Variants in SLC44A5 observed in about 807,000 individuals in gnomAD.
SLC44A5 encodes solute carrier family 44 member 5.
SLC44A5 carries 57 observed loss-of-function variants against 101.8 expected under a neutral mutation model. The observed-to-expected ratio is 0.56, with a 90% CI of 0.45 to 0.70. The LOEUF (loss-of-function observed/expected upper bound fraction) is 0.70. Among genes scored for constraint, SLC44A5 ranks in the 30% least tolerant of loss-of-function variants. SLC44A5 has a pLI of 0.00. For missense variants in SLC44A5, 737 were observed against 853.1 expected (o/e 0.86, Z 1.70); for synonymous variants, 281 against 290.9 (o/e 0.97, Z 0.35).
the SLC44A5 span, among the ~76,000 whole-genome samples, chr1:75,718,026 GAA>G: frequency 4.6e-5 from 7 of 152,258 alleles, no homozygotes; most frequent in East Asian, 1.4e-3. Context: ...GGGTGGAGAA[GAA>G]AAGTTTCTGG....
chr1:75,524,422 C>G (rs1344984679), intron 2 of SLC44A5, among the ~76,000 whole-genome samples: 1 of 152,024 alleles, frequency 6.6e-6, no homozygotes. Context: ...GGTGAATTCA[C>G]CCTCATGAAT....
chr1:75,687,008 G>C, the SLC44A5 span, among the ~76,000 whole-genome samples: 1 of 152,194 alleles, frequency 6.6e-6, no homozygotes, highest in South Asian at 2.1e-4. Context: ...ATACAGAGTG[G>C]TCGCAGAAGA....
At chr1:75,344,804 T>A (rs1658129248) in intron 3 of SLC44A5, among the ~76,000 whole-genome samples, 1 of 152,084 alleles carries the variant, frequency 6.6e-6, no homozygotes, top group Admixed American at 6.6e-5. Flanking sequence ...CGTAAGATAA[T>A]AAATTTGTGT....
At chr1:75,344,332 C>T (rs752078752) in intron 3 of SLC44A5, among the ~76,000 whole-genome samples, 2 of 152,150 alleles carry the variant, frequency 1.3e-5, no homozygotes, top group Non-Finnish European at 2.9e-5. Context: ...CATTGTTGAG[C>T]TTAGGACACT....
chr1:75,712,742 A>T, the SLC44A5 span, among the ~76,000 whole-genome samples: 2 of 151,196 alleles, frequency 1.3e-5, no homozygotes, highest in East Asian at 3.9e-4. Context: ...ATCAGGTACC[A>T]AAAAATGCTG....
intron 2 of SLC44A5, among the ~76,000 whole-genome samples, chr1:75,431,528 C>T (rs1664610475): frequency 6.6e-6 from 1 of 152,100 alleles, no homozygotes; most frequent in African/African-American, 2.4e-5. Context: ...GTTTAATTAA[C>T]TTATTTATTT....
intron 3 of SLC44A5, among the ~76,000 whole-genome samples, chr1:75,358,506 AC>A (rs1410584106): frequency 6.6e-6 from 1 of 152,202 alleles, no homozygotes; most frequent in Non-Finnish European, 1.5e-5. Context: ...GATTTGATAT[AC>A]ATTGTGAAAT....
At chr1:75,598,398 A>G (rs1208456176) in intron 1 of SLC44A5, among the ~76,000 whole-genome samples, 2 of 152,224 alleles carry the variant, frequency 1.3e-5, no homozygotes, top group Non-Finnish European at 2.9e-5. Flanking sequence ...GAGAAATAAC[A>G]TTTGACCCAG....
At chr1:75,460,021 G>T (rs1209609589) in intron 2 of SLC44A5, among the ~76,000 whole-genome samples, 1 of 152,102 alleles carries the variant, frequency 6.6e-6, no homozygotes, top group Non-Finnish European at 1.5e-5. Flanking sequence ...AAACTGGATT[G>T]TTCAGGTAGC....
At chr1:75,640,601 CTG>C in the SLC44A5 span, among the ~76,000 whole-genome samples, 15 of 152,144 alleles carry the variant, frequency 9.9e-5, no homozygotes, top group Admixed American at 7.9e-4. Context: ...CTCTCTCTCT[CTG>C]GGGGAAATTT....
chr1:75,480,467 C>G (rs867698299), intron 2 of SLC44A5, among the ~76,000 whole-genome samples: 9 of 152,180 alleles, frequency 5.9e-5, no homozygotes, highest in Non-Finnish European at 1.2e-4. Flanking sequence ...CAAATTGTCC[C>G]TGTTTGCAGA....
At chr1:75,235,688 A>T (rs1487178588) in intron 11 of SLC44A5, among the ~76,000 whole-genome samples, 1 of 152,052 alleles carries the variant, frequency 6.6e-6, no homozygotes, top group East Asian at 1.9e-4. Context: ...CACACAAAAT[A>T]CAACTTAGAC....
At chr1:75,349,870 TAA>T (rs1313029598) in intron 3 of SLC44A5, among the ~76,000 whole-genome samples, 2 of 152,118 alleles carry the variant, frequency 1.3e-5, no homozygotes, top group Non-Finnish European at 1.5e-5. Flanking sequence ...GCTGCAATTT[TAA>T]AAGAGTAGAA....
intron 1 of SLC44A5, among the ~76,000 whole-genome samples, chr1:75,556,677 T>C (rs1388883204): frequency 6.6e-6 from 1 of 152,112 alleles, no homozygotes; most frequent in African/African-American, 2.4e-5. Flanking sequence ...AAACAAACAA[T>C]GGCTGTTATT....
chr1:75,661,387 T>TAAAAAAAAAAAAAAAAAA, the SLC44A5 span, among the ~76,000 whole-genome samples: 11 of 53,612 alleles, frequency 2.1e-4, 1 homozygote, highest in African/African-American at 6.8e-4. Context: ...CTACTGCAAG[T>TAAAAAAAAAAAAAAAAAA]AAAAAAAAAA....
chr1:75,605,035 G>A (rs998980077), intron 1 of SLC44A5, among the ~76,000 whole-genome samples: 2 of 151,958 alleles, frequency 1.3e-5, no homozygotes, highest in African/African-American at 4.8e-5. Flanking sequence ...GTGTTCAACA[G>A]GAGTGGGAAG....
At chr1:75,336,695 C>G (rs1306700178) in intron 4 of SLC44A5, among the ~76,000 whole-genome samples, 1 of 151,956 alleles carries the variant, frequency 6.6e-6, no homozygotes, top group African/African-American at 2.4e-5. Context: ...TGACTTTGAC[C>G]TAATATAAAA....
chr1:75,277,555 T>C (rs1652026769), intron 5 of SLC44A5, among the ~76,000 whole-genome samples: 1 of 152,122 alleles, frequency 6.6e-6, no homozygotes, highest in African/African-American at 2.4e-5. Context: ...AATGAGCTTG[T>C]TAACAGGGGG....
Position 75,564,672 on chromosome 1 carries a change from T to G in SLC44A5, c.-69-23156A>C, listed in dbSNP as rs1241605079. Among the ~76,000 whole-genome samples the G allele has an allele frequency of 4.7e-5, 7 of 148,226 alleles. No individual in the cohort carries two copies. The Admixed American group carries it at 4.8e-4, about 10-fold the overall frequency. On this transcript the variant is annotated intron_variant, in intron 1 of 23. Coordinates refer to ENST00000370859, the MANE Select transcript of SLC44A5 (RefSeq NM_001130058.2). ...TCTCACTCTGTCGCCCAGGCTGGAGTGCAGTGGCACCATATCGGCTCACTG... is the reference window on the plus strand; with the variant it reads ...TCTCACTCTGTCGCCCAGGCTGGAGGGCAGTGGCACCATATCGGCTCACTG...
Sources: allele counts gnomAD v4.1 joint callset (sites outside exome capture counted in the v4.1 genomes callset), GRCh38; gene constraint gnomAD v4.1.1; transcripts MANE v1.5; gene names NCBI Gene and HGNC (gene_info 2026-07-23, HGNC 2026-07-21).